Variants in KIAA1217 observed in about 807,000 individuals in gnomAD.
The protein encoded by KIAA1217 is sickle tail protein homolog.
KIAA1217 carries 88 observed loss-of-function variants against 163.9 expected under a neutral mutation model. The ratio of observed to expected loss-of-function variants is 0.54; its 90% CI spans 0.45 to 0.64. KIAA1217 has a LOEUF of 0.64. Ranked by LOEUF, KIAA1217 falls within the 30% of genes least tolerant of loss-of-function variation. The probability of loss-of-function intolerance (pLI) is 0.00; values close to 1 mark genes in which losing one functional copy is unlikely to be tolerated. For missense variants in KIAA1217, 2,372 were observed against 2,475.0 expected (o/e 0.96, Z 0.88); for synonymous variants, 903 against 923.1 (o/e 0.98, Z 0.39).
chr10:24,419,299 A>G (rs1206691678), intron 3 of KIAA1217, among the ~76,000 whole-genome samples: 1 of 152,098 alleles, frequency 6.6e-6, no homozygotes, highest in Non-Finnish European at 1.5e-5. Context: ...GTCAGATCTG[A>G]GTGCTCTGTG....
At chr10:24,156,416 A>C (rs75055902) in intron 2 of KIAA1217, among the ~76,000 whole-genome samples, 3,934 of 152,272 alleles carry the variant, frequency 0.026, 144 homozygotes, top group African/African-American at 0.089. Flanking sequence ...TTGCAGATAA[A>C]TCCAATATGA....
intron 1 of KIAA1217, among the ~76,000 whole-genome samples, chr10:23,990,475 TC>T (rs1172391005): frequency 3.3e-5 from 5 of 152,200 alleles, no homozygotes; most frequent in African/African-American, 9.6e-5. Context: ...GGATTTTTAT[TC>T]ATGCTCAATC....
chr10:24,259,816 A>C (rs1188765965), intron 2 of KIAA1217, among the ~76,000 whole-genome samples: 1 of 152,164 alleles, frequency 6.6e-6, no homozygotes. Flanking sequence ...ACATAGAGAA[A>C]GGGATGGATG....
intron 2 of KIAA1217, among the ~76,000 whole-genome samples, chr10:24,348,863 G>A (rs2048117814): frequency 6.6e-6 from 1 of 152,092 alleles, no homozygotes; most frequent in Non-Finnish European, 1.5e-5. Context: ...AAAACAGCTG[G>A]GGGCTGGGCA....
At chr10:24,351,531 G>T (rs1049704296) in intron 2 of KIAA1217, among the ~76,000 whole-genome samples, 4 of 152,134 alleles carry the variant, frequency 2.6e-5, no homozygotes, top group African/African-American at 7.2e-5. Flanking sequence ...GAGTCTTGTG[G>T]AAGGAGAGCT....
intron 6 of KIAA1217, among the ~76,000 whole-genome samples, chr10:24,493,794 G>T (rs941437144): frequency 6.6e-6 from 1 of 152,128 alleles, no homozygotes; most frequent in African/African-American, 2.4e-5. Flanking sequence ...TTGAGACAGA[G>T]TCTCACTCTT....
chr10:24,236,037 A>G (rs112169050), intron 2 of KIAA1217, among the ~76,000 whole-genome samples: 142 of 152,262 alleles, frequency 9.3e-4, no homozygotes, highest in African/African-American at 3.2e-3. Context: ...ATGTAAACTT[A>G]CTGTAATTAC....
At chr10:24,340,590 C>T (rs1049200725) in intron 2 of KIAA1217, among the ~76,000 whole-genome samples, 7 of 152,076 alleles carry the variant, frequency 4.6e-5, no homozygotes, top group African/African-American at 1.7e-4. Flanking sequence ...TCCCTCCACC[C>T]GCATCTCTTC....
intron 17 of KIAA1217, among the ~76,000 whole-genome samples, chr10:24,541,776 CT>C (rs1256156724): frequency 6.6e-6 from 1 of 152,186 alleles, no homozygotes; most frequent in Non-Finnish European, 1.5e-5. Context: ...TGGTGAGACC[CT>C]AAGACATGTA....
At chr10:24,312,187 C>T (rs1275626968) in intron 2 of KIAA1217, among the ~76,000 whole-genome samples, 1 of 152,038 alleles carries the variant, frequency 6.6e-6, no homozygotes, top group Admixed American at 6.6e-5. Context: ...GGAGAGGAGC[C>T]CAGCTAACGA....
chr10:23,981,197 T>C (rs1286333741), intron 1 of KIAA1217, among the ~76,000 whole-genome samples: 1 of 152,248 alleles, frequency 6.6e-6, no homozygotes, highest in Non-Finnish European at 1.5e-5. Flanking sequence ...ACAATTTATT[T>C]TGGTACTTTC....
intron 1 of KIAA1217, among the ~76,000 whole-genome samples, chr10:24,006,504 A>G (rs1044636098): frequency 2.6e-5 from 4 of 152,164 alleles, no homozygotes; most frequent in African/African-American, 9.7e-5. Flanking sequence ...CCCACAGCAT[A>G]GAAATCTACC....
chr10:24,536,736 C>T (rs1484577809), intron 16 of KIAA1217, 38 bp from the exon 17 acceptor site: 7 of 1,606,972 alleles, frequency 4.4e-6, no homozygotes, highest in Non-Finnish European at 6.0e-6. Flanking sequence ...CCTCAGTACC[C>T]TTGGATCCCT....
intron 1 of KIAA1217, among the ~76,000 whole-genome samples, chr10:23,924,955 T>TAA (rs34623112): frequency 0.021 from 3,157 of 151,396 alleles, 60 homozygotes; most frequent in Admixed American, 0.063. Flanking sequence ...AGAGAAAACT[T>TAA]AAAAAAAAAT....
intron 1 of KIAA1217, among the ~76,000 whole-genome samples, chr10:23,707,168 C>A (rs929249581): frequency 6.6e-6 from 1 of 151,982 alleles, no homozygotes; most frequent in Non-Finnish European, 1.5e-5. Flanking sequence ...TGTAAAATTA[C>A]AGCTATGATT....
intron 2 of KIAA1217, among the ~76,000 whole-genome samples, chr10:24,084,359 G>C (rs796889474): frequency 1.5e-4 from 23 of 152,326 alleles, no homozygotes; most frequent in African/African-American, 5.5e-4. Flanking sequence ...TCTATCCTCA[G>C]TAGCCAGAAA....
chr10:24,130,496 G>A (rs2063614260), intron 2 of KIAA1217, among the ~76,000 whole-genome samples: 1 of 152,168 alleles, frequency 6.6e-6, no homozygotes, highest in South Asian at 2.1e-4. Flanking sequence ...TATCAAAGCA[G>A]TTAATGATGA....
intron 2 of KIAA1217, among the ~76,000 whole-genome samples, chr10:24,301,680 A>G (rs1365311008): frequency 1.3e-5 from 2 of 152,016 alleles, no homozygotes; most frequent in Non-Finnish European, 2.9e-5. Flanking sequence ...AAAAATGTTT[A>G]TTTACTTATT....
intron 2 of KIAA1217, among the ~76,000 whole-genome samples, chr10:24,048,399 C>T (rs1849203387): frequency 6.6e-6 from 1 of 152,216 alleles, no homozygotes; most frequent in South Asian, 2.1e-4. Flanking sequence ...ATTACACTTA[C>T]TTCTAGAGTT....
Sources: allele counts gnomAD v4.1 joint callset (sites outside exome capture counted in the v4.1 genomes callset), GRCh38; gene constraint gnomAD v4.1.1; transcripts MANE v1.5; gene names NCBI Gene and HGNC (gene_info 2026-07-23, HGNC 2026-07-21).